ZFC3H1: variants seen among roughly 807,000 people sequenced by gnomAD.
The protein encoded by ZFC3H1 is zinc finger C3H1-type containing, also known as zinc finger C3H1 domain-containing protein.
ZFC3H1 carries 71 observed loss-of-function variants against 243.7 expected under a neutral mutation model. That is an observed-to-expected ratio of 0.29 (90% confidence interval 0.24 to 0.36). The LOEUF is 0.36. ZFC3H1 is among the 10% of genes least tolerant of loss of function. ZFC3H1 has a pLI of 1.00. For missense variants in ZFC3H1, 1,966 were observed against 2,317.1 expected, an observed-to-expected ratio of 0.85 and a Z score of 3.11; for synonymous variants, 838 against 813.0, an observed-to-expected ratio of 1.03 and a Z score of -0.52.
intron 33 of ZFC3H1, 101 bp from the exon 34 acceptor site, chr12:71,610,858 G>C: frequency 1.4e-6 from 2 of 1,437,058 alleles, no homozygotes; most frequent in Admixed American, 2.0e-5. Context: ...TAACATCTGA[G>C]ACAAAATGGT....
intron 3 of ZFC3H1, among the ~76,000 whole-genome samples, chr12:71,647,462 G>C (rs1287970060): frequency 6.6e-6 from 1 of 151,892 alleles, no homozygotes; most frequent in African/African-American, 2.4e-5. Context: ...AAAAAATGGA[G>C]AAAATATCTG....
At chr12:71,619,247 AACTGTAATCTTTCT>A (rs1879965444) in intron 27 of ZFC3H1, 54 bp downstream of exon 27, 3 of 1,420,138 alleles carry the variant, frequency 2.1e-6, no homozygotes, top group Admixed American at 2.2e-5. Context: ...ATAAGAAAAA[AACTGTAATCTTTCT>A]ACTGAACTGT....
chr12:71,619,912 T>G lies in ZFC3H1; in HGVS notation c.5049+14A>C. On this transcript the variant is annotated intron_variant, in intron 26 of 34. Coordinates refer to ENST00000378743, the MANE Select transcript of ZFC3H1 (RefSeq NM_144982.5). ...ATAAAAGCATCATATTTAAGAATTA[T>G]GCATCATTTTTACCTGTAAGATGAA... 1 of 1,569,846 alleles carries G rather than the reference T, an allele frequency of 6.4e-7. No individual in the cohort carries two copies. The highest frequency in any genetic ancestry group is 1.2e-5 in the South Asian group (1 of 85,146).
chr12:71,611,291 C>A, intron 32 of ZFC3H1, 194 bp from the exon 33 acceptor site: 65 of 344,822 alleles, frequency 1.9e-4, no homozygotes, highest in Middle Eastern at 1.8e-3. Context: ...CAATTTTTAT[C>A]AACTTTACAA....
intron 30 of ZFC3H1, 74 bp from the exon 31 acceptor site, chr12:71,613,509 G>A (rs1000842819): frequency 5.0e-6 from 5 of 1,000,470 alleles, no homozygotes; most frequent in East Asian, 2.6e-5. Context: ...GTTTTAACAC[G>A]AAAACCAAAA....
intron 1 of ZFC3H1, 121 bp downstream of exon 1, chr12:71,662,892 T>C (rs1200192955): frequency 1.9e-5 from 19 of 1,017,602 alleles, no homozygotes; most frequent in Non-Finnish European, 2.6e-5. Context: ...TAAAGTATAC[T>C]GACACAGGGA....
intron 18 of ZFC3H1, among the ~76,000 whole-genome samples, chr12:71,630,207 A>G (rs1001473485): frequency 1.3e-5 from 2 of 152,212 alleles, no homozygotes; most frequent in African/African-American, 2.4e-5. Context: ...CTATTTTTTG[A>G]AAACAATAAG....
intron 2 of ZFC3H1, among the ~76,000 whole-genome samples, chr12:71,655,068 A>C (rs1880983416): frequency 6.6e-6 from 1 of 152,192 alleles, no homozygotes; most frequent in Admixed American, 6.5e-5. Context: ...CATATCAAAA[A>C]ATAAAAAAAG....
intron 34 of ZFC3H1, 65 bp from the exon 35 acceptor site, chr12:71,610,630 G>T: frequency 6.2e-7 from 1 of 1,612,068 alleles, no homozygotes; most frequent in South Asian, 1.1e-5. Flanking sequence ...CACATCAATG[G>T]ATATGGCACA....
rs775531532 is a variant in ZFC3H1 at position 71,619,944 on chromosome 12, G to A, written c.5031C>T (p.Cys1677=). 2.5e-6 allele frequency: 4 copies of A among 1,590,750 alleles called. No individual in the cohort carries two copies. Among genetic ancestry groups the A allele is most frequent in the Non-Finnish European group, 2.6e-6 (3 of 1,166,858 alleles). ...PQNAEVFYHM[C]KFFILQNRGD... is the part of the protein sequence containing the mutation. Reference sequence around the variant, plus strand: ...TTTTTACCTGTAAGATGAAGAATTTGCACATATGATAAAAAACCTCTGCAT... The same window carrying A: ...TTTTTACCTGTAAGATGAAGAATTTACACATATGATAAAAAACCTCTGCAT... The change falls in exon 26 of 35, where the codon TGC becomes TGT. Residue 1677 remains cysteine (C), a synonymous_variant. Transcript: ENST00000378743.
chr12:71,650,455 T>C (rs1000898546), intron 2 of ZFC3H1, among the ~76,000 whole-genome samples: 2 of 151,762 alleles, frequency 1.3e-5, no homozygotes, highest in Non-Finnish European at 2.9e-5. Context: ...ACCTCCAAAA[T>C]GAACACTGTT....
rs756721570 is a variant in ZFC3H1 at position 71,614,827 on chromosome 12, A to G, written c.5360+7T>C. 6.2e-7 allele frequency: 1 copy of G among 1,611,576 alleles called. No homozygotes were observed. Among genetic ancestry groups the G allele is most frequent in the Admixed American group, 1.7e-5 (1 of 59,830 alleles). ...ATCTCATTCTTATCAAGAAAACCTA[A>G]ACTTACTCCATCCATATCTTCTGTA... On this transcript the variant is annotated splice_region_variant and intron_variant, in intron 29 of 34. Transcript: ENST00000378743.
At chr12:71,614,466 T>G (rs2288963) in intron 30 of ZFC3H1, 69 bp downstream of exon 30, 282,629 of 1,399,736 alleles carry the variant, frequency 0.2, 29,947 homozygotes, top group East Asian at 0.39. Context: ...AAAACAGGAG[T>G]TTTGCTATCA....
chr12:71,632,838 A>G, intron 14 of ZFC3H1, 48 bp downstream of exon 14: 2 of 1,596,066 alleles, frequency 1.3e-6, no homozygotes, highest in South Asian at 1.1e-5. Context: ...AAACTATCAT[A>G]AAAACTTTCT....
Position 71,632,023 on chromosome 12 carries a change from C to T in ZFC3H1, c.3309G>A (p.Gln1103=), listed in dbSNP as rs1262316051. The T allele has an allele frequency of 6.2e-7, 1 of 1,600,688 alleles. No individual in the cohort carries two copies. ...KLYSKADSLK[Q]LILKTTTGIT... The stretch of plus-strand genomic sequence containing the variant: ...TGCCTGTGGTGGTTTTTAAAATCAG[C>T]TGTTTTAGGCTGTCAGCTTTTGAAT... The change falls in exon 15 of 35, where the codon CAG becomes CAA. Residue 1103 remains glutamine, a synonymous_variant. Coordinates refer to ENST00000378743, the MANE Select transcript of ZFC3H1 (RefSeq NM_144982.5).
intron 7 of ZFC3H1, 75 bp downstream of exon 7, chr12:71,638,343 C>A (rs1441249508): frequency 6.9e-7 from 1 of 1,444,914 alleles, no homozygotes; most frequent in Non-Finnish European, 9.5e-7. Flanking sequence ...CTCTTCAAAC[C>A]TAACCATTCG....
chr12:71,660,877 C>A (rs1328677756), intron 1 of ZFC3H1, among the ~76,000 whole-genome samples: 1 of 151,876 alleles, frequency 6.6e-6, no homozygotes, highest in Non-Finnish European at 1.5e-5. Flanking sequence ...CTTTGGGAGT[C>A]TAAGGAAGGA....
rs78341013 is a variant in ZFC3H1 at position 71,642,241 on chromosome 12, G to A, written c.1627+195C>T. On this transcript the variant is annotated intron_variant, in intron 6 of 34. Coordinates refer to ENST00000378743, the MANE Select transcript of ZFC3H1 (RefSeq NM_144982.5). ...ATTTAAAGGCTATCTAGAAACACTC[G>A]GAAATAAAGGTTAATATTACTTATT... Among the ~76,000 whole-genome samples, 1,294 of 152,148 alleles carry A rather than the reference G, an allele frequency of 8.5e-3. 18 individuals carry two copies. The highest frequency in any genetic ancestry group is 0.03 in the African/African-American group (1,235 of 41,510).
At chr12:71,657,429 A>T in intron 1 of ZFC3H1, 128 bp from the exon 2 acceptor site, 1 of 770,874 alleles carries the variant, frequency 1.3e-6, no homozygotes. Flanking sequence ...ATATTTTTAA[A>T]TTACTAAATT....
Sources: gnomAD v4.1 joint callset for allele counts (sites outside exome capture counted in the v4.1 genomes callset) on GRCh38, gnomAD v4.1.1 for gene constraint, MANE v1.5 for transcripts, NCBI Gene and HGNC (gene_info 2026-07-23, HGNC 2026-07-21) for gene names.